The following RNF115 variants were observed in gnomAD, a reference collection of about 807,000 sequenced individuals.
RNF115 encodes E3 ubiquitin-protein ligase RNF115.
In RNF115, 31 loss-of-function variants were observed where a neutral mutation model predicts 39.2. The ratio of observed to expected loss-of-function variants is 0.79; its 90% CI spans 0.59 to 1.07. The LOEUF is 1.07. Among genes scored for constraint, RNF115 ranks in the 50% least tolerant of loss-of-function variants. RNF115 has a pLI of 0.00. For synonymous variants in RNF115, 124 were observed against 131.0 expected, an observed-to-expected ratio of 0.95 and a Z score of 0.37; for missense variants, 384 against 381.7, an observed-to-expected ratio of 1.01 and a Z score of -0.05.
intron 4 of RNF115, among the ~76,000 whole-genome samples, chr1:145,771,444 G>C (rs1647634667): frequency 6.6e-6 from 1 of 152,130 alleles, no homozygotes; most frequent in Non-Finnish European, 1.5e-5. Flanking sequence ...TTCTGCTATA[G>C]CTGCACAAAA....
chr1:145,806,961 C>T (rs1353775536), intron 1 of RNF115, among the ~76,000 whole-genome samples: 5 of 152,232 alleles, frequency 3.3e-5, no homozygotes, highest in Non-Finnish European at 7.3e-5. Flanking sequence ...CGCGCCACTG[C>T]GCCCAGCCGT....
chr1:145,762,965 G>A (rs1201639131), intron 4 of RNF115, among the ~76,000 whole-genome samples: 1 of 152,020 alleles, frequency 6.6e-6, no homozygotes. Flanking sequence ...GGGTACACAA[G>A]GACACAAAGT....
At chr1:145,779,642 A>T (rs1368618650) in intron 3 of RNF115, among the ~76,000 whole-genome samples, 1 of 152,094 alleles carries the variant, frequency 6.6e-6, no homozygotes, top group Non-Finnish European at 1.5e-5. Flanking sequence ...ATAAAGCTAT[A>T]ATCAAGTAAT....
intron 6 of RNF115, among the ~76,000 whole-genome samples, chr1:145,750,893 C>A (rs1553712380): frequency 2.0e-5 from 3 of 152,104 alleles, no homozygotes; most frequent in Non-Finnish European, 4.4e-5. Flanking sequence ...ATAACGTGAG[C>A]CAAGAAATAG....
chr1:145,784,610 G>A lies in RNF115; in HGVS notation c.162-14C>T. The A allele has an allele frequency of 1.2e-6, 2 of 1,612,112 alleles. No homozygotes were observed. The highest frequency in any genetic ancestry group is 1.1e-5 in the South Asian group (1 of 90,992). On this transcript the variant is annotated splice_polypyrimidine_tract_variant and intron_variant, in intron 2 of 8. Coordinates refer to ENST00000582693, the MANE Select transcript of RNF115 (RefSeq NM_014455.4). ...CCACCTAAAAAACTAAAGAGAAAAGGAATGAGTGGTGATTCTATTCCCAGG... is the reference window on the plus strand; with the variant it reads ...CCACCTAAAAAACTAAAGAGAAAAGAAATGAGTGGTGATTCTATTCCCAGG...
At chr1:145,807,704 T>A (rs1649519720) in intron 1 of RNF115, among the ~76,000 whole-genome samples, 1 of 152,178 alleles carries the variant, frequency 6.6e-6, no homozygotes, top group South Asian at 2.1e-4. Context: ...AATCCTCTCA[T>A]CTAGCTATTT....
At chr1:145,750,776 GGTTGTGGTGTCACGA>G (rs1455059326) in intron 6 of RNF115, among the ~76,000 whole-genome samples, 2 of 152,164 alleles carry the variant, frequency 1.3e-5, no homozygotes, top group East Asian at 3.8e-4. Flanking sequence ...GCAGCAAAAG[GGTTGTGGTGTCACGA>G]GTAAAACTAT....
At chr1:145,756,961 G>A (rs1658322122) in intron 4 of RNF115, among the ~76,000 whole-genome samples, 1 of 149,690 alleles carries the variant, frequency 6.7e-6, no homozygotes, top group Non-Finnish European at 1.5e-5. Flanking sequence ...TCGGCCTCCT[G>A]AGTAGCTGGG....
At position 145,785,992 on chromosome 1, in the gene RNF115, A is replaced by G. The variant is rs112847073; in HGVS notation, c.162-1396T>C. The stretch of plus-strand genomic sequence containing the variant: ...TATCCATTTGATTGCTCAAGCCCAG[A>G]CAGGCTTCCAAGACTCTTCCTTCCT... On this transcript the variant is annotated intron_variant, in intron 2 of 8. Coordinates refer to ENST00000582693, the MANE Select transcript of RNF115 (RefSeq NM_014455.4). Among the ~76,000 whole-genome samples, 975 of 152,312 alleles carry G rather than the reference A, an allele frequency of 6.4e-3. 11 individuals carry two copies. The highest frequency in any genetic ancestry group is 0.022 in the African/African-American group (933 of 41,564).
intron 1 of RNF115, among the ~76,000 whole-genome samples, chr1:145,819,534 G>A (rs1327934331): frequency 6.6e-6 from 1 of 152,030 alleles, no homozygotes; most frequent in Admixed American, 6.6e-5. Flanking sequence ...CACCAGACAC[G>A]AAGAAGAGCT....
intron 4 of RNF115, among the ~76,000 whole-genome samples, chr1:145,762,231 G>C (rs1457607101): frequency 6.6e-6 from 1 of 152,126 alleles, no homozygotes; most frequent in Non-Finnish European, 1.5e-5. Context: ...AAGACTTTGG[G>C]GGACTGCTGG....
At chr1:145,819,481 A>C (rs1349800676) in intron 1 of RNF115, among the ~76,000 whole-genome samples, 1 of 151,842 alleles carries the variant, frequency 6.6e-6, no homozygotes, top group African/African-American at 2.4e-5. Context: ...AAAACTTACC[A>C]ATCAGAAAAG....
At chr1:145,793,648 G>C (rs1020231626) in intron 1 of RNF115, among the ~76,000 whole-genome samples, 1 of 147,906 alleles carries the variant, frequency 6.8e-6, no homozygotes, top group African/African-American at 2.5e-5. Context: ...ACACACCCTC[G>C]AGAGGTGGCA....
chr1:145,824,004 C>A lies in RNF115; in HGVS notation c.-131G>T. 4.7e-6 allele frequency: 3 copies of A among 636,290 alleles called. No homozygotes were observed. The South Asian group carries it at 7.8e-5, about 16-fold the overall frequency. 39.4% of individuals were successfully genotyped at this position (636,290 alleles called of 1,614,324 possible). On this transcript the variant is annotated 5_prime_UTR_variant, in exon 1 of 9. Coordinates refer to ENST00000582693, the MANE Select transcript of RNF115 (RefSeq NM_014455.4). ...CCACCGCTTCAGAGCCCGCGTCGGT[C>A]ACGTGAGTTGGCCAGGCCCAGAAAC...
At chr1:145,801,242 T>C (rs1263394517) in intron 1 of RNF115, among the ~76,000 whole-genome samples, 1 of 152,170 alleles carries the variant, frequency 6.6e-6, no homozygotes. Context: ...CAAAATTCCA[T>C]CTTCTTTTCA....
At chr1:145,815,560 A>G (rs200455815) in intron 1 of RNF115, among the ~76,000 whole-genome samples, 321 of 151,022 alleles carry the variant, frequency 2.1e-3, no homozygotes, top group African/African-American at 5.2e-3. Context: ...ACACCTTTAC[A>G]CTCCATGACA....
chr1:145,751,572 G>A (rs1658092005), intron 5 of RNF115, 62 bp from the exon 6 acceptor site: 9 of 1,220,572 alleles, frequency 7.4e-6, no homozygotes, highest in Non-Finnish European at 9.3e-6. Flanking sequence ...TTACACCACA[G>A]AAAAAAATTG....
chr1:145,786,367 G>A (rs1571752133), intron 2 of RNF115, among the ~76,000 whole-genome samples: 1 of 152,258 alleles, frequency 6.6e-6, no homozygotes, highest in East Asian at 1.9e-4. Flanking sequence ...AAATGTTTAT[G>A]AACTTTATAG....
At chr1:145,798,184 T>C (rs1649070091) in intron 1 of RNF115, among the ~76,000 whole-genome samples, 1 of 152,240 alleles carries the variant, frequency 6.6e-6, no homozygotes, top group South Asian at 2.1e-4. Flanking sequence ...TTGTTGCCTG[T>C]GCTTATGGTG....
Sources: gnomAD v4.1 joint callset for allele counts (sites outside exome capture counted in the v4.1 genomes callset) on GRCh38, gnomAD v4.1.1 for gene constraint, MANE v1.5 for transcripts, NCBI Gene and HGNC (gene_info 2026-07-23, HGNC 2026-07-21) for gene names.